Variants in ARIH1 observed in about 807,000 individuals in gnomAD.
ARIH1 encodes ariadne RBR E3 ubiquitin protein ligase 1.
A neutral mutation model predicts 85.0 loss-of-function variants in ARIH1; 8 were observed. The observed-to-expected ratio is 0.09, with a 90% CI of 0.06 to 0.17. ARIH1 has a LOEUF of 0.17. ARIH1 is among the 10% of genes least tolerant of loss of function. The pLI is 1.00. For missense variants in ARIH1, 311 were observed against 718.1 expected (o/e 0.43, Z 6.48); for synonymous variants, 238 against 253.6 (o/e 0.94, Z 0.59).
intron 2 of ARIH1, among the ~76,000 whole-genome samples, chr15:72,527,993 A>C (rs533601389): frequency 1.3e-5 from 2 of 152,152 alleles, no homozygotes; most frequent in Non-Finnish European, 2.9e-5. Flanking sequence ...TGAAGTTATG[A>C]CATGAATGTA....
chr15:72,485,994 G>A (rs2063836075), intron 1 of ARIH1, among the ~76,000 whole-genome samples: 1 of 152,112 alleles, frequency 6.6e-6, no homozygotes, highest in South Asian at 2.1e-4. Flanking sequence ...ATTATTTTCA[G>A]TGTTTTAAAA....
chr15:72,540,157 C>G (rs1003765285), intron 2 of ARIH1, among the ~76,000 whole-genome samples: 5 of 148,490 alleles, frequency 3.4e-5, no homozygotes, highest in East Asian at 2.0e-4. Context: ...ACTTGGGAGG[C>G]TGAGGCAGGA....
intron 2 of ARIH1, among the ~76,000 whole-genome samples, chr15:72,542,632 A>T (rs2064112534): frequency 6.6e-6 from 1 of 152,212 alleles, no homozygotes; most frequent in Non-Finnish European, 1.5e-5. Context: ...GGTGTCTGTT[A>T]GATATTGTCT....
chr15:72,493,524 C>T (rs915068135), intron 1 of ARIH1, among the ~76,000 whole-genome samples: 3 of 152,080 alleles, frequency 2.0e-5, no homozygotes, highest in Non-Finnish European at 2.9e-5. Context: ...TTTGCAGTAA[C>T]GAATGAATAA....
intron 1 of ARIH1, among the ~76,000 whole-genome samples, chr15:72,514,060 G>A (rs544377795): frequency 3.3e-5 from 5 of 150,852 alleles, no homozygotes; most frequent in Middle Eastern, 3.4e-3. Flanking sequence ...GACTGGTCTC[G>A]AACTCCTGGG....
chr15:72,571,992 T>G (rs979658661), intron 10 of ARIH1, 116 bp from the exon 11 acceptor site: 8 of 704,086 alleles, frequency 1.1e-5, no homozygotes, highest in Non-Finnish European at 1.2e-5. Flanking sequence ...TTCTCTGTTA[T>G]AAAAGATAAC....
chr15:72,572,225 C>A, intron 11 of ARIH1, 60 bp downstream of exon 11: 429 of 1,031,482 alleles, frequency 4.2e-4, no homozygotes, highest in Non-Finnish European at 5.5e-4. Flanking sequence ...TATTCATATT[C>A]ATTAGAGAAT....
chr15:72,538,133 G>T (rs1333926077), intron 2 of ARIH1, among the ~76,000 whole-genome samples: 1 of 152,174 alleles, frequency 6.6e-6, no homozygotes, highest in Non-Finnish European at 1.5e-5. Context: ...GGAGGCTGAG[G>T]TGGGCAGATC....
At chr15:72,481,826 A>ATTTTC (rs934913934) in intron 1 of ARIH1, among the ~76,000 whole-genome samples, 92 of 151,826 alleles carry the variant, frequency 6.1e-4, no homozygotes, top group African/African-American at 1.9e-3. Flanking sequence ...TTTACTCAGT[A>ATTTTC]TTTTCTTTTC....
chr15:72,502,473 G>A (rs371310716), intron 1 of ARIH1, among the ~76,000 whole-genome samples: 3 of 152,102 alleles, frequency 2.0e-5, no homozygotes, highest in Non-Finnish European at 4.4e-5. Flanking sequence ...ACAGTTAATT[G>A]AAACTTGTCA....
rs1010625077 is a variant in ARIH1, at chr15:72,523,666, G to A, written c.443+5532G>A. 3.3e-5 allele frequency among the ~76,000 whole-genome samples: 5 copies of A among 152,122 alleles called. 1 individual carries two copies. The highest frequency in any genetic ancestry group is 6.8e-3 in the Middle Eastern group (2 of 292). On this transcript the variant is annotated intron_variant, in intron 2 of 13. Coordinates refer to ENST00000379887, the MANE Select transcript of ARIH1 (RefSeq NM_005744.5). The stretch of plus-strand genomic sequence containing the variant: ...TAAACTACAGACTTTGGGTAACAAC[G>A]GTGTGTCAATGTAGGTTCATTGAAT...
chr15:72,528,578 G>A (rs958812161), intron 2 of ARIH1, among the ~76,000 whole-genome samples: 5 of 152,178 alleles, frequency 3.3e-5, no homozygotes, highest in Non-Finnish European at 7.3e-5. Flanking sequence ...CCACGGCCGG[G>A]CACAGTGGCT....
chr15:72,528,179 A>C (rs1377619259), intron 2 of ARIH1, among the ~76,000 whole-genome samples: 1 of 152,154 alleles, frequency 6.6e-6, no homozygotes, highest in African/African-American at 2.4e-5. Flanking sequence ...TATATAGGGT[A>C]AATGCTAATG....
At chr15:72,505,895 C>T (rs915027514) in intron 1 of ARIH1, among the ~76,000 whole-genome samples, 6 of 152,044 alleles carry the variant, frequency 3.9e-5, no homozygotes, top group South Asian at 4.1e-4. Context: ...GCCACCATAG[C>T]GGGTAATTTT....
chr15:72,567,262 A>C, intron 9 of ARIH1, 85 bp downstream of exon 9: 3 of 985,930 alleles, frequency 3.0e-6, no homozygotes, highest in Non-Finnish European at 1.5e-6. Context: ...GAGGTGACCT[A>C]CTTACAGGCT....
At chr15:72,527,472 A>G (rs1490684838) in intron 2 of ARIH1, among the ~76,000 whole-genome samples, 1 of 151,902 alleles carries the variant, frequency 6.6e-6, no homozygotes, top group Non-Finnish European at 1.5e-5. Flanking sequence ...AGGGATGGGA[A>G]AGTGAATTGT....
intron 2 of ARIH1, among the ~76,000 whole-genome samples, chr15:72,519,747 G>T (rs1267431687): frequency 6.6e-6 from 1 of 152,008 alleles, no homozygotes; most frequent in Non-Finnish European, 1.5e-5. Flanking sequence ...GCCTCCCAAA[G>T]TGCTGGGATT....
intron 12 of ARIH1, chr15:72,581,406 A>G (rs1018777396): frequency 1.8e-5 from 3 of 163,632 alleles, no homozygotes; most frequent in South Asian, 1.6e-4. Context: ...CTGGAACATC[A>G]TAAGTTCTCA....
chr15:72,592,619 TA>T lies in ARIH1; in HGVS notation c.*9330del, dbSNP rs2064347601. ...GTGATCACTTCTTGATTTTTATCAC[TA>T]AAGATTTGTTGTACCTGCTTTTGGA... is the stretch of plus-strand genomic sequence containing the variant. On this transcript the variant is annotated 3_prime_UTR_variant, in exon 14 of 14. Transcript: ENST00000379887. 6.6e-6 allele frequency: 1 copy of T among 152,218 alleles called. No individual in the cohort carries two copies. The allele number at this position is 152,218 out of a possible 1,614,324, so 9.4% of individuals were successfully genotyped here.
Sources: allele counts gnomAD v4.1 joint callset (sites outside exome capture counted in the v4.1 genomes callset), GRCh38; gene constraint gnomAD v4.1.1; transcripts MANE v1.5; gene names NCBI Gene and HGNC (gene_info 2026-07-23, HGNC 2026-07-21).